Variants in ST3GAL1 observed in about 807,000 individuals in gnomAD.
ST3GAL1 encodes ST3 beta-galactoside alpha-2,3-sialyltransferase 1.
ST3GAL1 carries 16 observed loss-of-function variants against 34.1 expected under a neutral mutation model. The ratio of observed to expected loss-of-function variants is 0.47; its 90% confidence interval spans 0.32 to 0.71. The LOEUF (loss-of-function observed/expected upper bound fraction) is 0.71, where lower values mean the gene tolerates loss of function less well. ST3GAL1 is among the 30% of genes least tolerant of loss of function. The probability of loss-of-function intolerance (pLI) is 0.04; values close to 1 mark genes in which losing one functional copy is unlikely to be tolerated. For missense variants in ST3GAL1, 353 were observed against 447.4 expected (o/e 0.79, Z 1.90); for synonymous variants, 191 against 184.7 (o/e 1.03, Z -0.28).
intron 2 of ST3GAL1, among the ~76,000 whole-genome samples, chr8:133,540,930 T>G (rs796317680): frequency 1.2e-3 from 39 of 31,926 alleles, no homozygotes; most frequent in African/African-American, 3.6e-3. Flanking sequence ...CATATATATA[T>G]AGACATATAT....
At chr8:133,515,610 C>T (rs968405432) in intron 2 of ST3GAL1, 4 of 152,122 alleles carry the variant, frequency 2.6e-5, no homozygotes, top group Admixed American at 6.6e-5. Flanking sequence ...GAGAAATCTT[C>T]TTACTATTAC....
intron 2 of ST3GAL1, among the ~76,000 whole-genome samples, chr8:133,524,982 C>T (rs1164322587): frequency 1.3e-5 from 2 of 152,254 alleles, no homozygotes; most frequent in East Asian, 3.8e-4. Flanking sequence ...CTTCTTGTCA[C>T]CTGCAACGTG....
intron 2 of ST3GAL1, among the ~76,000 whole-genome samples, chr8:133,511,172 AAC>A (rs775812081): frequency 2.8e-4 from 42 of 152,328 alleles, no homozygotes; most frequent in Middle Eastern, 3.4e-3. Flanking sequence ...AAGATCAACA[AAC>A]ACATTTTAAA....
intron 2 of ST3GAL1, among the ~76,000 whole-genome samples, chr8:133,505,579 G>T (rs774374729): frequency 2.6e-5 from 4 of 151,584 alleles, no homozygotes; most frequent in Non-Finnish European, 5.9e-5. Flanking sequence ...CTAGCCTCAC[G>T]TGGCTATTTC....
chr8:133,558,066 T>C (rs1819110877), intron 1 of ST3GAL1, among the ~76,000 whole-genome samples: 1 of 152,180 alleles, frequency 6.6e-6, no homozygotes, highest in South Asian at 2.1e-4. Context: ...AAGAGCACCA[T>C]TCTGCCATCT....
chr8:133,472,411 C>T (rs1563699244), intron 5 of ST3GAL1, among the ~76,000 whole-genome samples: 2 of 152,258 alleles, frequency 1.3e-5, no homozygotes, highest in East Asian at 3.9e-4. Context: ...CACCAGGTCC[C>T]TCCCACAACA....
intron 7 of ST3GAL1, 64 bp downstream of exon 7, chr8:133,464,714 G>T: frequency 1.3e-6 from 2 of 1,541,850 alleles, no homozygotes; most frequent in South Asian, 2.5e-5. Flanking sequence ...CCACGGCAGG[G>T]TGGGGGGACA....
At chr8:133,463,145 A>C (rs1370192596) in intron 8 of ST3GAL1, among the ~76,000 whole-genome samples, 1 of 152,234 alleles carries the variant, frequency 6.6e-6, no homozygotes, top group Non-Finnish European at 1.5e-5. Flanking sequence ...CGGGGCAGCC[A>C]GGGTTTCTGA....
intron 3 of ST3GAL1, among the ~76,000 whole-genome samples, chr8:133,498,033 G>A (rs950611686): frequency 6.6e-6 from 1 of 152,162 alleles, no homozygotes; most frequent in African/African-American, 2.4e-5. Flanking sequence ...CTGCATTCAC[G>A]TTTCTGTCCA....
chr8:133,479,375 G>C (rs1328805949), intron 3 of ST3GAL1, among the ~76,000 whole-genome samples: 1 of 152,158 alleles, frequency 6.6e-6, no homozygotes, highest in African/African-American at 2.4e-5. Context: ...GCTGGGGTGA[G>C]AGTGTGTTGG....
chr8:133,500,528 G>T (rs1202535228), intron 2 of ST3GAL1, among the ~76,000 whole-genome samples: 5 of 152,174 alleles, frequency 3.3e-5, no homozygotes, highest in African/African-American at 9.7e-5. Context: ...ATGTCACCTG[G>T]GTCTGAGGGC....
chr8:133,549,750 G>A (rs934662523), intron 1 of ST3GAL1, among the ~76,000 whole-genome samples: 74 of 152,246 alleles, frequency 4.9e-4, no homozygotes, highest in African/African-American at 1.8e-3. Context: ...ATCACCTGAG[G>A]TCGGAGGTTC....
intron 2 of ST3GAL1, among the ~76,000 whole-genome samples, chr8:133,537,287 T>C (rs559728178): frequency 9.3e-4 from 131 of 141,334 alleles, no homozygotes; most frequent in African/African-American, 3.2e-3. Context: ...CTGGAAGCTC[T>C]TCCAACCCAG....
intron 1 of ST3GAL1, among the ~76,000 whole-genome samples, chr8:133,560,393 A>C (rs1017705714): frequency 2.0e-5 from 3 of 152,186 alleles, no homozygotes; most frequent in African/African-American, 7.2e-5. Context: ...CTTAGAAGAA[A>C]ATAAAGCCAG....
At chr8:133,511,176 C>T (rs542247094) in intron 2 of ST3GAL1, among the ~76,000 whole-genome samples, 1 of 152,284 alleles carries the variant, frequency 6.6e-6, no homozygotes, top group South Asian at 2.1e-4. Context: ...TCAACAAACA[C>T]ATTTTAAAAA....
intron 2 of ST3GAL1, among the ~76,000 whole-genome samples, chr8:133,512,159 A>T (rs1817515490): frequency 6.6e-6 from 1 of 152,192 alleles, no homozygotes; most frequent in Non-Finnish European, 1.5e-5. Flanking sequence ...CCAGTGGTGG[A>T]TCAGTATGAG....
At chr8:133,486,472 A>G (rs1367463097) in intron 3 of ST3GAL1, among the ~76,000 whole-genome samples, 12 of 151,950 alleles carry the variant, frequency 7.9e-5, no homozygotes, top group Non-Finnish European at 1.3e-4. Flanking sequence ...GCCTGGACCC[A>G]CTCAACGCCG....
At chr8:133,525,459 G>A (rs1477858433) in intron 2 of ST3GAL1, among the ~76,000 whole-genome samples, 2 of 152,150 alleles carry the variant, frequency 1.3e-5, no homozygotes, top group Non-Finnish European at 2.9e-5. Flanking sequence ...TCTAGGCCAT[G>A]GACTCCCCCT....
At chr8:133,565,023 T>A (rs550330094) in intron 1 of ST3GAL1, among the ~76,000 whole-genome samples, 2 of 152,372 alleles carry the variant, frequency 1.3e-5, no homozygotes, top group South Asian at 4.1e-4. Flanking sequence ...TCCCACCAGC[T>A]GTGTGGCCTT....
Sources: gnomAD v4.1 joint callset for allele counts (sites outside exome capture counted in the v4.1 genomes callset) on GRCh38, gnomAD v4.1.1 for gene constraint, MANE v1.5 for transcripts, NCBI Gene and HGNC (gene_info 2026-07-23, HGNC 2026-07-21) for gene names.